The following DLC1 variants were observed in gnomAD, a reference collection of about 807,000 sequenced individuals.
DLC1 encodes the protein rho GTPase-activating protein 7.
In DLC1, 54 loss-of-function variants were observed where a neutral mutation model predicts 140.3. The observed-to-expected ratio is 0.38, with a 90% CI of 0.31 to 0.48. The LOEUF is 0.48. DLC1 is among the 20% of genes least tolerant of loss of function. The probability of loss-of-function intolerance (pLI) is 0.96; values close to 1 mark genes in which losing one functional copy is unlikely to be tolerated. For missense variants in DLC1, 2,536 were observed against 1,907.0 expected, an observed-to-expected ratio of 1.33 and a Z score of -6.14; for synonymous variants, 986 against 728.1, an observed-to-expected ratio of 1.35 and a Z score of -5.70.
chr8:13,452,711 C>A (rs1192201613), intron 2 of DLC1, among the ~76,000 whole-genome samples: 6 of 151,950 alleles, frequency 3.9e-5, no homozygotes, highest in Admixed American at 3.9e-4. Context: ...AATTTTGCTA[C>A]CCCCCTGATT....
In DLC1 at chr8:13,499,283, T is replaced by G; in HGVS notation, c.789A>C (p.Thr263=). ...TTTTTAATAATGGCAGTCCTCTGTT[T>G]GTGCAAGGAGTATCCAAGAACTCAT... ...VQNEFLDTPC[T]NRGLPLLKTD... Residue 263 remains threonine (T), a synonymous_variant, in exon 2 of 18, where the codon ACA becomes ACC. Coordinates refer to ENST00000276297, the MANE Select transcript of DLC1 (RefSeq NM_182643.3). The G allele has an allele frequency of 1.2e-6, 2 of 1,614,132 alleles. No homozygotes were observed. Among genetic ancestry groups the G allele is most frequent in the Non-Finnish European group, 1.7e-6 (2 of 1,180,014 alleles).
At chr8:13,150,476 G>T (rs747878262) in intron 5 of DLC1, among the ~76,000 whole-genome samples, 3 of 152,086 alleles carry the variant, frequency 2.0e-5, no homozygotes, top group Admixed American at 6.6e-5. Flanking sequence ...GATGAGCCAT[G>T]GTGTGTAACC....
intron 2 of DLC1, among the ~76,000 whole-genome samples, chr8:13,482,272 AT>A (rs1800771878): frequency 6.6e-6 from 1 of 152,346 alleles, no homozygotes; most frequent in Admixed American, 6.5e-5. Context: ...GGAAGCATGT[AT>A]TTCTAGTCAT....
intron 1 of DLC1, among the ~76,000 whole-genome samples, chr8:13,593,805 T>G (rs2117480049): frequency 6.6e-6 from 1 of 152,198 alleles, no homozygotes; most frequent in Middle Eastern, 3.4e-3. Flanking sequence ...GGAAATCAAT[T>G]TCGCACATCC....
chr8:13,496,567 C>CAT lies in DLC1; in HGVS notation c.1023+2480_1023+2481dup, dbSNP rs1305432013. Among the ~76,000 whole-genome samples the CAT allele has an allele frequency of 4.4e-3, 611 of 138,352 alleles. 5 individuals are homozygous for CAT. Among genetic ancestry groups the CAT allele is most frequent in the African/African-American group, 0.015 (555 of 37,546 alleles). 90.8% of individuals were successfully genotyped at this position (138,352 alleles called of 152,430 possible). ...AGAGGTTTATATTACTATCTACATT[C>CAT]ATATATATATACACACACACACACA... On this transcript the variant is annotated intron_variant, in intron 2 of 17. Coordinates refer to ENST00000276297, the MANE Select transcript of DLC1 (RefSeq NM_182643.3).
chr8:13,233,729 T>C (rs1425692272), intron 5 of DLC1, among the ~76,000 whole-genome samples: 1 of 152,228 alleles, frequency 6.6e-6, no homozygotes, highest in Non-Finnish European at 1.5e-5. Context: ...GCTTGCCACC[T>C]GGATATTTTG....
At chr8:13,179,767 C>G (rs1225360727) in intron 5 of DLC1, among the ~76,000 whole-genome samples, 1 of 151,854 alleles carries the variant, frequency 6.6e-6, no homozygotes, top group Admixed American at 6.6e-5. Context: ...AGCTAATTAC[C>G]AGAGGCAGAG....
chr8:13,174,896 C>G (rs899814189), intron 5 of DLC1, among the ~76,000 whole-genome samples: 2 of 151,960 alleles, frequency 1.3e-5, no homozygotes, highest in Non-Finnish European at 2.9e-5. Flanking sequence ...GGTTTTGTTG[C>G]AATTGATTTT....
At chr8:13,582,454 C>G (rs1805138842) in intron 1 of DLC1, among the ~76,000 whole-genome samples, 1 of 152,056 alleles carries the variant, frequency 6.6e-6, no homozygotes, top group East Asian at 1.9e-4. Flanking sequence ...TGAATGGGCA[C>G]CGTTTAATCA....
chr8:13,546,307 A>G (rs1803646065), intron 1 of DLC1, among the ~76,000 whole-genome samples: 1 of 152,120 alleles, frequency 6.6e-6, no homozygotes, highest in African/African-American at 2.4e-5. Flanking sequence ...GATTTCGGTA[A>G]TTTGTTTTCT....
chr8:13,443,530 A>C (rs1235531446), intron 2 of DLC1, among the ~76,000 whole-genome samples: 3 of 151,480 alleles, frequency 2.0e-5, no homozygotes, highest in African/African-American at 7.3e-5. Flanking sequence ...ATGGTGGCGG[A>C]TGCCTGTAGT....
At chr8:13,085,956 T>C (rs757065516) in intron 17 of DLC1, 25 bp from the exon 18 acceptor site, 5 of 1,609,686 alleles carry the variant, frequency 3.1e-6, no homozygotes, top group Non-Finnish European at 4.2e-6. Flanking sequence ...AAAGAAAAGC[T>C]GATGAATTAT....
In DLC1 at chr8:13,439,072, A is replaced by G. The variant is rs570465652; in HGVS notation, c.1024-37453T>C. 2.0e-5 allele frequency among the ~76,000 whole-genome samples: 3 copies of G among 152,252 alleles called. No homozygotes were observed. The East Asian group carries it at 5.8e-4, about 29-fold the overall frequency. On this transcript the variant is annotated intron_variant, in intron 2 of 17. Coordinates refer to ENST00000276297, the MANE Select transcript of DLC1 (RefSeq NM_182643.3). ...CCGAGCACAGTGGCTCATGCCTGTA[A>G]TCCCAACACTTTGGGAGGCCAAGGT...
intron 5 of DLC1, among the ~76,000 whole-genome samples, chr8:13,301,250 G>T (rs1216846437): frequency 6.6e-6 from 1 of 151,872 alleles, no homozygotes; most frequent in South Asian, 2.1e-4. Flanking sequence ...CTAAAGGGAG[G>T]TTAAAATGTG....
upstream of DLC1, among the ~76,000 whole-genome samples, chr8:13,517,112 C>T (rs1391530757): frequency 6.6e-6 from 1 of 152,090 alleles, no homozygotes; most frequent in Non-Finnish European, 1.5e-5. Flanking sequence ...ATGTTTATTT[C>T]CCTAAGAAAA....
chr8:13,581,773 A>G (rs757715540), intron 1 of DLC1, among the ~76,000 whole-genome samples: 19 of 152,290 alleles, frequency 1.2e-4, no homozygotes, highest in African/African-American at 4.3e-4. Context: ...TTATCAGGCC[A>G]TGCAAGGTCC....
intron 2 of DLC1, among the ~76,000 whole-genome samples, chr8:13,421,840 C>G (rs559059748): frequency 1.5e-4 from 23 of 152,192 alleles, no homozygotes; most frequent in Non-Finnish European, 2.8e-4. Flanking sequence ...TAATTTCTGC[C>G]TAGGGAATCT....
At chr8:13,282,341 T>C (rs1831392124) in intron 5 of DLC1, among the ~76,000 whole-genome samples, 3 of 152,146 alleles carry the variant, frequency 2.0e-5, no homozygotes, top group African/African-American at 7.2e-5. Context: ...AGGTAGGAAA[T>C]AAAACATACT....
At chr8:13,154,076 C>G (rs559082317) in intron 5 of DLC1, among the ~76,000 whole-genome samples, 1 of 151,846 alleles carries the variant, frequency 6.6e-6, no homozygotes, top group Non-Finnish European at 1.5e-5. Context: ...TTTACAAACC[C>G]TGAGCTAGAC....
Sources: allele counts gnomAD v4.1 joint callset (sites outside exome capture counted in the v4.1 genomes callset), GRCh38; gene constraint gnomAD v4.1.1; transcripts MANE v1.5; gene names NCBI Gene and HGNC (gene_info 2026-07-23, HGNC 2026-07-21).